The following XKR6 variants were observed in gnomAD, a reference collection of about 807,000 sequenced individuals.
The protein encoded by XKR6 is XK-related protein 6.
A neutral mutation model predicts 56.7 loss-of-function variants in XKR6; 22 were observed. The observed-to-expected ratio is 0.39, with a 90% CI of 0.28 to 0.55. The LOEUF (loss-of-function observed/expected upper bound fraction) is 0.55, where lower values mean the gene tolerates loss of function less well. XKR6 is among the 20% of genes least tolerant of loss of function. The pLI is 0.66. For synonymous variants in XKR6, 524 were observed against 387.8 expected, an observed-to-expected ratio of 1.35 and a Z score of -4.13; for missense variants, 852 against 889.0, an observed-to-expected ratio of 0.96 and a Z score of 0.53.
At chr8:11,097,807 CA>C (rs1196874380) in intron 1 of XKR6, among the ~76,000 whole-genome samples, 7,529 of 62,876 alleles carry the variant, frequency 0.12, 132 homozygotes, top group Non-Finnish European at 0.17. Flanking sequence ...GACTCCATCT[CA>C]AAAAAAAAAA....
rs117900421 is a variant in XKR6, at chr8:11,062,641, T to A, written c.765-137811A>T. The A allele has an allele frequency of 3.1e-3, 1,271 of 405,798 alleles. 28 individuals carry two copies. The East Asian group carries it at 0.045, about 14-fold the overall frequency. 25.1% of individuals were successfully genotyped at this position (405,798 alleles called of 1,614,324 possible). Reference sequence around the variant, plus strand: ...ATCTAGATCTTTTAAAAGCAAAGAATCCCACAATAGTAAACATAATTACTC... The same window carrying A: ...ATCTAGATCTTTTAAAAGCAAAGAAACCCACAATAGTAAACATAATTACTC... On this transcript the variant is annotated intron_variant, in intron 1 of 2. Coordinates refer to ENST00000416569, the MANE Select transcript of XKR6 (RefSeq NM_173683.4).
Position 10,977,139 on chromosome 8 carries a change from C to T in XKR6, c.765-52309G>A, listed in dbSNP as rs140393464. ...AAGAGACCTCGTCTCACAGGCACTC[C>T]CTTTACAAGCAGCCTCAAGACCTCC... On this transcript the variant is annotated intron_variant, in intron 1 of 2. Transcript: ENST00000416569. 3.6e-3 allele frequency among the ~76,000 whole-genome samples: 547 copies of T among 152,268 alleles called. 2 individuals carry two copies. The highest frequency in any genetic ancestry group is 5.9e-3 in the Non-Finnish European group (404 of 68,008).
At chr8:11,120,516 A>C (rs6988348) in intron 1 of XKR6, among the ~76,000 whole-genome samples, 1,642 of 152,246 alleles carry the variant, frequency 0.011, 27 homozygotes, top group African/African-American at 0.035. Flanking sequence ...ACTACAAACC[A>C]CTGCTCAACG....
intron 2 of XKR6, among the ~76,000 whole-genome samples, chr8:10,904,700 T>C (rs979661065): frequency 4.0e-5 from 6 of 151,892 alleles, no homozygotes; most frequent in African/African-American, 1.5e-4. Flanking sequence ...CCCCGACACA[T>C]CTCCAATAAG....
intron 1 of XKR6, chr8:11,175,235 TAG>T (rs975511823): frequency 1.3e-5 from 2 of 152,486 alleles, no homozygotes; most frequent in African/African-American, 4.8e-5. Context: ...GTTACAATGG[TAG>T]AGTCGGTAGG....
chr8:11,086,042 C>A (rs1471818317), intron 1 of XKR6, among the ~76,000 whole-genome samples: 1 of 151,824 alleles, frequency 6.6e-6, no homozygotes, highest in Admixed American at 6.6e-5. Context: ...GGCCCGAGTG[C>A]CCCGGAGGAC....
intron 1 of XKR6, among the ~76,000 whole-genome samples, chr8:11,027,145 G>A (rs1798888359): frequency 6.6e-6 from 1 of 152,212 alleles, no homozygotes; most frequent in African/African-American, 2.4e-5. Flanking sequence ...GTACAATACT[G>A]TACTGAATAC....
chr8:10,929,422 T>C (rs1379375581), intron 1 of XKR6, among the ~76,000 whole-genome samples: 1 of 152,266 alleles, frequency 6.6e-6, no homozygotes, highest in Non-Finnish European at 1.5e-5. Context: ...GCTAAGTAGC[T>C]GAGCAGGGCT....
intron 1 of XKR6, among the ~76,000 whole-genome samples, chr8:11,013,730 G>A (rs1380362310): frequency 1.3e-5 from 2 of 152,210 alleles, no homozygotes; most frequent in South Asian, 4.1e-4. Context: ...GCACCTTCAT[G>A]TTTATACCAA....
chr8:11,156,347 C>G (rs1801518047), intron 1 of XKR6, among the ~76,000 whole-genome samples: 2 of 152,184 alleles, frequency 1.3e-5, no homozygotes, highest in Non-Finnish European at 2.9e-5. Context: ...CTTTCCCTAC[C>G]ATCTCATCCA....
intron 1 of XKR6, among the ~76,000 whole-genome samples, chr8:11,098,174 G>A (rs1180026369): frequency 6.6e-6 from 1 of 151,894 alleles, no homozygotes; most frequent in Non-Finnish European, 1.5e-5. Context: ...ATACCGAATT[G>A]GAATCTGCAA....
intron 1 of XKR6, among the ~76,000 whole-genome samples, chr8:11,055,384 G>C (rs369605947): frequency 6.6e-6 from 1 of 152,188 alleles, no homozygotes; most frequent in East Asian, 1.9e-4. Flanking sequence ...CAGGATTCTT[G>C]CTAAAACTGG....
chr8:11,060,354 C>G (rs143429973), intron 1 of XKR6, among the ~76,000 whole-genome samples: 2 of 152,184 alleles, frequency 1.3e-5, no homozygotes, highest in Non-Finnish European at 2.9e-5. Flanking sequence ...CAGGCCTCCC[C>G]GCATCCAGCC....
chr8:11,086,201 T>C (rs1294538848), intron 1 of XKR6, among the ~76,000 whole-genome samples: 2 of 151,644 alleles, frequency 1.3e-5, no homozygotes, highest in Non-Finnish European at 2.9e-5. Flanking sequence ...AGATTCTTGC[T>C]AATGCATCAA....
chr8:10,923,799 T>A (rs751774996), intron 2 of XKR6, among the ~76,000 whole-genome samples: 14 of 152,164 alleles, frequency 9.2e-5, no homozygotes, highest in Non-Finnish European at 1.3e-4. Context: ...CAGGGAGAGC[T>A]GGGGTATGGA....
intron 1 of XKR6, among the ~76,000 whole-genome samples, chr8:11,186,068 G>C (rs950960509): frequency 3.9e-5 from 6 of 152,146 alleles, no homozygotes; most frequent in Non-Finnish European, 5.9e-5. Flanking sequence ...TACAGAAAAA[G>C]CTTGCCAAGT....
At chr8:11,127,764 G>A (rs976491311) in intron 1 of XKR6, among the ~76,000 whole-genome samples, 2 of 152,152 alleles carry the variant, frequency 1.3e-5, no homozygotes, top group African/African-American at 2.4e-5. Context: ...ACAATGTGCG[G>A]TTACATATTT....
At chr8:11,152,081 G>A (rs1563177868) in intron 1 of XKR6, among the ~76,000 whole-genome samples, 1 of 152,042 alleles carries the variant, frequency 6.6e-6, no homozygotes, top group Non-Finnish European at 1.5e-5. Context: ...TTTACATTAA[G>A]GTACACAGGA....
chr8:10,990,281 T>C (rs1455908336), intron 1 of XKR6, among the ~76,000 whole-genome samples: 4 of 152,200 alleles, frequency 2.6e-5, no homozygotes, highest in Non-Finnish European at 5.9e-5. Context: ...GTGGAGGTCT[T>C]ACTGTTACTC....
Sources: gnomAD v4.1 joint callset for allele counts (sites outside exome capture counted in the v4.1 genomes callset) on GRCh38, gnomAD v4.1.1 for gene constraint, MANE v1.5 for transcripts, NCBI Gene and HGNC (gene_info 2026-07-23, HGNC 2026-07-21) for gene names.